The following PLEKHA2 variants were observed in gnomAD, a reference collection of about 807,000 sequenced individuals.
PLEKHA2 encodes the protein pleckstrin homology domain-containing family A member 2.
In PLEKHA2, 28 loss-of-function variants were observed where a neutral mutation model predicts 53.2. The ratio of observed to expected loss-of-function variants is 0.53; its 90% CI spans 0.39 to 0.72. PLEKHA2 has a LOEUF of 0.72. Among genes scored for constraint, PLEKHA2 ranks in the 30% least tolerant of loss-of-function variants. PLEKHA2 has a pLI of 0.00. For missense variants in PLEKHA2, 426 were observed against 537.9 expected (o/e 0.79, Z 2.06); for synonymous variants, 193 against 196.4 (o/e 0.98, Z 0.14).
intron 10 of PLEKHA2, among the ~76,000 whole-genome samples, chr8:38,957,720 G>A (rs999320193): frequency 1.3e-5 from 2 of 152,166 alleles, no homozygotes; most frequent in South Asian, 2.1e-4. Context: ...TATAAGTCTC[G>A]TCTGTGTGTG....
At chr8:38,905,729 T>G (rs4257977) in intron 1 of PLEKHA2, among the ~76,000 whole-genome samples, 123,502 of 146,260 alleles carry the variant, frequency 0.84, 52,194 homozygotes, top group Admixed American at 0.86. Context: ...CTGTCGCCCA[T>G]GCTGGAGTGC....
At chr8:38,952,391 A>G in intron 7 of PLEKHA2, 79 bp downstream of exon 7, 1 of 1,538,234 alleles carries the variant, frequency 6.5e-7, no homozygotes, top group East Asian at 2.4e-5. Flanking sequence ...CAGAGGTGAG[A>G]GGGGATTGAC....
chr8:38,938,731 C>T (rs1403190238), intron 3 of PLEKHA2, among the ~76,000 whole-genome samples: 2 of 152,152 alleles, frequency 1.3e-5, no homozygotes, highest in Non-Finnish European at 2.9e-5. Flanking sequence ...TGCTGGGTAG[C>T]GCCTCTGCTG....
chr8:38,942,083 C>T (rs1834621979), intron 3 of PLEKHA2, among the ~76,000 whole-genome samples: 1 of 152,144 alleles, frequency 6.6e-6, no homozygotes, highest in Admixed American at 6.5e-5. Flanking sequence ...TTCTTTAGCA[C>T]CTGGCTTCTG....
rs1364481182 is a variant in PLEKHA2 at position 38,961,821 on chromosome 8, TCGTTTAAC to T, written c.837+4436_837+4443del. 1.1e-4 allele frequency among the ~76,000 whole-genome samples: 15 copies of T among 136,650 alleles called. No individual in the cohort carries two copies. The Admixed American group carries it at 1.1e-3, about 10-fold the overall frequency. 89.6% of individuals were successfully genotyped at this position (136,650 alleles called of 152,430 possible). A position where few individuals can be genotyped will look rare whatever the true frequency, so the allele number is the denominator to read the frequency against. On this transcript the variant is annotated intron_variant, in intron 10 of 11. Transcript: ENST00000617275. ...TAGATTCTAACCACTTAGATCTTGG[TCGTTTAAC>T]TGTTTAACTCAGATGTCATATTTAC...
At chr8:38,966,448 A>G (rs1835137314) in intron 10 of PLEKHA2, among the ~76,000 whole-genome samples, 1 of 152,122 alleles carries the variant, frequency 6.6e-6, no homozygotes, top group African/African-American at 2.4e-5. Context: ...GAAGGCTAAC[A>G]TGCATATTTC....
intron 2 of PLEKHA2, among the ~76,000 whole-genome samples, chr8:38,926,381 C>A (rs1416727624): frequency 7.3e-6 from 1 of 137,260 alleles, no homozygotes; most frequent in Non-Finnish European, 1.6e-5. Flanking sequence ...TTAAAAAGTA[C>A]TTTTTTTTTT....
chr8:38,960,781 T>C (rs937080021), intron 10 of PLEKHA2: 1 of 152,244 alleles, frequency 6.6e-6, no homozygotes, highest in Non-Finnish European at 1.5e-5. Context: ...GGATATTCTT[T>C]GATTCTATAC....
chr8:38,913,458 C>G (rs534764665), intron 1 of PLEKHA2, among the ~76,000 whole-genome samples: 70 of 152,124 alleles, frequency 4.6e-4, no homozygotes, highest in African/African-American at 1.7e-3. Flanking sequence ...GGACACCTTG[C>G]TTAGCGATTG....
chr8:38,908,621 A>G lies in PLEKHA2; in HGVS notation c.-24+7176A>G, dbSNP rs545771170. Among the ~76,000 whole-genome samples the G allele has an allele frequency of 3.9e-5, 6 of 152,372 alleles. No individual in the cohort carries two copies. The South Asian group carries it at 6.2e-4, about 16-fold the overall frequency. On this transcript the variant is annotated intron_variant, in intron 1 of 11. Coordinates refer to ENST00000617275, the MANE Select transcript of PLEKHA2 (RefSeq NM_021623.2). ...AAATGAAATTCCACTCATAGCCCGT[A>G]GATAATAACTTACTGTTTTGGTGAC...
chr8:38,925,784 A>G (rs1009345787), intron 2 of PLEKHA2, among the ~76,000 whole-genome samples: 1 of 152,268 alleles, frequency 6.6e-6, no homozygotes, highest in Non-Finnish European at 1.5e-5. Context: ...CATAATGTAT[A>G]ATGGACAATA....
At position 38,934,852 on chromosome 8, in the gene PLEKHA2, A is replaced by T. The variant is rs560587559; in HGVS notation, c.142-1142A>T. Among the ~76,000 whole-genome samples, 4 of 150,632 alleles carry T rather than the reference A, an allele frequency of 2.7e-5. No homozygotes were observed. The East Asian group carries it at 5.8e-4, about 22-fold the overall frequency. Reference sequence around the variant, plus strand: ...TATATTTTTATTTCTATATTGCGTGAGTTTGTATCCTATGTATTATAAAAA... The same window carrying T: ...TATATTTTTATTTCTATATTGCGTGTGTTTGTATCCTATGTATTATAAAAA... On this transcript the variant is annotated intron_variant, in intron 2 of 11. Transcript: ENST00000617275.
At chr8:38,956,998 A>T (rs896807190) in intron 9 of PLEKHA2, among the ~76,000 whole-genome samples, 1 of 152,112 alleles carries the variant, frequency 6.6e-6, no homozygotes, top group African/African-American at 2.4e-5. Flanking sequence ...GGCAGGAAGG[A>T]AGGAAACTGT....
intron 5 of PLEKHA2, among the ~76,000 whole-genome samples, chr8:38,946,976 A>G (rs887511277): frequency 1.3e-5 from 2 of 152,178 alleles, no homozygotes; most frequent in Non-Finnish European, 1.5e-5. Flanking sequence ...AGTAGTGACT[A>G]TTACATGCTG....
chr8:38,933,744 A>G (rs1198651523), intron 2 of PLEKHA2, among the ~76,000 whole-genome samples: 2 of 139,018 alleles, frequency 1.4e-5, no homozygotes, highest in South Asian at 4.8e-4. Flanking sequence ...TAAGGGCTAT[A>G]AGGCCTGTCT....
intron 2 of PLEKHA2, among the ~76,000 whole-genome samples, chr8:38,935,434 T>TC (rs1283655652): frequency 6.6e-6 from 1 of 151,872 alleles, no homozygotes; most frequent in Admixed American, 6.6e-5. Flanking sequence ...CTTACACTTT[T>TC]TTTTTTTTTT....
At chr8:38,918,774 C>CAT (rs1435559671) in intron 2 of PLEKHA2, among the ~76,000 whole-genome samples, 1 of 151,968 alleles carries the variant, frequency 6.6e-6, no homozygotes, top group South Asian at 2.1e-4. Flanking sequence ...TGCACACACA[C>CAT]ATATACACAC....
intron 2 of PLEKHA2, among the ~76,000 whole-genome samples, chr8:38,923,794 A>C (rs1208433295): frequency 2.6e-5 from 4 of 152,062 alleles, no homozygotes; most frequent in African/African-American, 9.7e-5. Flanking sequence ...CATTTTTGCT[A>C]TACATTATTT....
In PLEKHA2 at chr8:38,952,174, G is replaced by A. The variant is rs761991018; in HGVS notation, c.495G>A (p.Gly165=). 3.4e-5 allele frequency: 55 copies of A among 1,612,984 alleles called. No homozygotes were observed. The East Asian group carries it at 1.0e-3, about 31-fold the overall frequency. Residue 165 remains glycine (G), a synonymous_variant, in exon 7 of 12, where the codon GGG becomes GGA. Transcript: ENST00000617275. ...VVHTPISQNG[G]DGQEGSEPGS... is the part of the protein sequence containing the mutation. ...ACACTGTTTCCTTGCAGAACGGTGGGGATGGGCAGGAAGGGAGTGAGCCCG... is the reference window on the plus strand; with the variant it reads ...ACACTGTTTCCTTGCAGAACGGTGGAGATGGGCAGGAAGGGAGTGAGCCCG...
Sources: gnomAD v4.1 joint callset for allele counts (sites outside exome capture counted in the v4.1 genomes callset) on GRCh38, gnomAD v4.1.1 for gene constraint, MANE v1.5 for transcripts, NCBI Gene and HGNC (gene_info 2026-07-23, HGNC 2026-07-21) for gene names.